The following AGBL3 variants were observed in gnomAD, a reference collection of about 807,000 sequenced individuals.
The protein encoded by AGBL3 is cytosolic carboxypeptidase 3.
In AGBL3, 68 loss-of-function variants were observed where a neutral mutation model predicts 94.5. The ratio of observed to expected loss-of-function variants is 0.72; its 90% CI spans 0.59 to 0.88. The LOEUF is 0.88. Among genes scored for constraint, AGBL3 ranks in the 40% least tolerant of loss-of-function variants. AGBL3 has a pLI of 0.00. For synonymous variants in AGBL3, 354 were observed against 370.7 expected, an observed-to-expected ratio of 0.95 and a Z score of 0.52; for missense variants, 934 against 1,103.8, an observed-to-expected ratio of 0.85 and a Z score of 2.18.
At chr7:135,061,310 A>T (rs1473306274) in intron 12 of AGBL3, among the ~76,000 whole-genome samples, 1 of 152,056 alleles carries the variant, frequency 6.6e-6, no homozygotes, top group East Asian at 1.9e-4. Flanking sequence ...TATGGTTTGC[A>T]AATATTTTCT....
At chr7:135,016,620 C>A (rs937641071) in intron 4 of AGBL3, among the ~76,000 whole-genome samples, 6 of 152,082 alleles carry the variant, frequency 3.9e-5, no homozygotes. Flanking sequence ...CTAAGACTAT[C>A]TTTCCTTTTG....
intron 4 of AGBL3, among the ~76,000 whole-genome samples, chr7:135,002,743 C>T (rs1811882838): frequency 6.6e-6 from 1 of 152,028 alleles, no homozygotes; most frequent in Non-Finnish European, 1.5e-5. Context: ...TTCCCATACT[C>T]TCATCAATAC....
intron 4 of AGBL3, among the ~76,000 whole-genome samples, chr7:135,007,463 A>G (rs1234244891): frequency 1.3e-5 from 2 of 151,960 alleles, no homozygotes; most frequent in African/African-American, 4.8e-5. Flanking sequence ...TAGAAAAGAC[A>G]TTTTTAAGAA....
At chr7:135,029,831 T>C (rs565950278) in intron 5 of AGBL3, among the ~76,000 whole-genome samples, 1 of 152,258 alleles carries the variant, frequency 6.6e-6, no homozygotes, top group South Asian at 2.1e-4. Context: ...GAGGCCATTG[T>C]AGGATTATTA....
intron 16 of AGBL3, among the ~76,000 whole-genome samples, chr7:135,121,866 G>A (rs1316159626): frequency 4.6e-5 from 7 of 152,144 alleles, no homozygotes; most frequent in Admixed American, 3.3e-4. Context: ...CTACCCAGCC[G>A]GGGAAACCGT....
chr7:135,035,550 A>T (rs1816220755), intron 7 of AGBL3, among the ~76,000 whole-genome samples: 1 of 152,140 alleles, frequency 6.6e-6, no homozygotes, highest in African/African-American at 2.4e-5. Flanking sequence ...AGATTTTTGT[A>T]TAAAATACTT....
intron 5 of AGBL3, among the ~76,000 whole-genome samples, chr7:135,021,956 T>C (rs1180007307): frequency 3.3e-5 from 5 of 152,184 alleles, no homozygotes; most frequent in Non-Finnish European, 7.3e-5. Context: ...CTGAGGATGA[T>C]GGCATCTAGC....
At chr7:135,026,263 T>TTTTATTTATTTTATTTTATTTTA (rs1554497763) in intron 5 of AGBL3, among the ~76,000 whole-genome samples, 1 of 63,612 alleles carries the variant, frequency 1.6e-5, no homozygotes, top group African/African-American at 4.5e-5. Context: ...TTTTATTTTA[T>TTTTATTTATTTTATTTTATTTTA]TTTATTTTAT....
chr7:135,123,482 CAGG>C (rs1827431025), intron 16 of AGBL3, among the ~76,000 whole-genome samples: 2 of 152,150 alleles, frequency 1.3e-5, no homozygotes, highest in South Asian at 4.2e-4. Flanking sequence ...TGATATTATC[CAGG>C]AGAACTTCTC....
At chr7:135,068,686 G>C (rs1240369369) in intron 12 of AGBL3, among the ~76,000 whole-genome samples, 1 of 152,178 alleles carries the variant, frequency 6.6e-6, no homozygotes, top group African/African-American at 2.4e-5. Context: ...AGTAAATGTT[G>C]AGAGATTTTT....
At chr7:135,000,600 T>G (rs1200601481) in intron 4 of AGBL3, among the ~76,000 whole-genome samples, 3 of 152,206 alleles carry the variant, frequency 2.0e-5, no homozygotes, top group African/African-American at 7.2e-5. Context: ...TTTGTGACAA[T>G]GTATATACGC....
Position 135,134,843 on chromosome 7 carries a change from TA to T in AGBL3, c.2348del (p.Asn783IlefsTer8). 6.5e-7 allele frequency: 1 copy of T among 1,549,156 alleles called. No individual in the cohort carries two copies. The highest frequency in any genetic ancestry group is 8.7e-7 in the Non-Finnish European group (1 of 1,145,288). On this transcript the variant is annotated frameshift_variant, in exon 17 of 17. Transcript: ENST00000436302. LOFTEE classifies it low-confidence loss of function (END_TRUNC). ...PRTNFQIQHQLNPATCRNIKK... is the reference protein window; with the variant it reads ...PRTNFQIQHQXNPATCRNIKK... ...CACGTATTTCATTTCTTTTCTAGACTAAATCCGGCTACTTGCAGAAATATAA... is the reference window on the plus strand; with the variant it reads ...CACGTATTTCATTTCTTTTCTAGACTAATCCGGCTACTTGCAGAAATATAA...
chr7:135,106,917 C>A (rs1004107282), intron 15 of AGBL3, among the ~76,000 whole-genome samples: 13 of 152,070 alleles, frequency 8.5e-5, no homozygotes, highest in Admixed American at 6.6e-5. Flanking sequence ...TTCAGGGAAT[C>A]GATTTCTTCC....
chr7:135,001,764 C>T (rs1811744476), intron 4 of AGBL3, among the ~76,000 whole-genome samples: 2 of 152,198 alleles, frequency 1.3e-5, no homozygotes, highest in Admixed American at 6.5e-5. Flanking sequence ...CTTGGACCAG[C>T]TGAAATTCAA....
chr7:135,079,261 CATA>C (rs1206861489), intron 13 of AGBL3, among the ~76,000 whole-genome samples: 3 of 152,134 alleles, frequency 2.0e-5, no homozygotes, highest in African/African-American at 4.8e-5. Flanking sequence ...CTAGTGATTG[CATA>C]ATATCACTAC....
intron 5 of AGBL3, among the ~76,000 whole-genome samples, chr7:135,025,947 A>C (rs976661160): frequency 6.6e-6 from 1 of 151,634 alleles, no homozygotes; most frequent in African/African-American, 2.4e-5. Context: ...TTGACCTATA[A>C]AAAGACTTAG....
Position 135,128,846 on chromosome 7 carries a change from A to G in AGBL3, c.2343-5995A>G. On this transcript the variant is annotated intron_variant, in intron 16 of 16. Coordinates refer to ENST00000436302, the MANE Select transcript of AGBL3 (RefSeq NM_178563.4). ...ACAGCTGTGTGCAGGATGTGGAATC[A>G]TTGTTAAATATGATCCAGGAAATCT... 3.3e-6 allele frequency: 4 copies of G among 1,200,478 alleles called. No individual in the cohort carries two copies. In the South Asian group the frequency reaches 4.9e-5, roughly 15 times the overall value. The allele number at this position is 1,200,478 out of a possible 1,614,324, so 74.4% of individuals were successfully genotyped here.
chr7:135,087,872 T>C lies in AGBL3; in HGVS notation c.2110+6082T>C, dbSNP rs557011837. 2.6e-5 allele frequency among the ~76,000 whole-genome samples: 4 copies of C among 152,226 alleles called. No homozygotes were observed. The South Asian group carries it at 8.3e-4, about 32-fold the overall frequency. ...GCAGTTTAAGTTCAATGTTTCTTTT[T>C]TATTTTCTGACTAGATGATCTGTCC... is the stretch of plus-strand genomic sequence containing the variant. On this transcript the variant is annotated intron_variant, in intron 15 of 16. Transcript: ENST00000436302.
At chr7:135,058,764 T>C (rs946630694) in intron 11 of AGBL3, among the ~76,000 whole-genome samples, 2 of 152,170 alleles carry the variant, frequency 1.3e-5, no homozygotes, top group Non-Finnish European at 2.9e-5. Context: ...CTTCTTCTTT[T>C]TTCCCCCCCA....
Sources: gnomAD v4.1 joint callset for allele counts (sites outside exome capture counted in the v4.1 genomes callset) on GRCh38, gnomAD v4.1.1 for gene constraint, MANE v1.5 for transcripts, NCBI Gene and HGNC (gene_info 2026-07-23, HGNC 2026-07-21) for gene names.